The following AP3B1 variants were observed in gnomAD, a reference collection of about 807,000 sequenced individuals.
AP3B1 encodes adaptor related protein complex 3 subunit beta 1, also known as AP-3 complex subunit beta-1.
Under a neutral mutation model 132.5 loss-of-function variants are expected in AP3B1, and 61 were observed. The ratio of observed to expected loss-of-function variants is 0.46; its 90% CI spans 0.37 to 0.57. The LOEUF (loss-of-function observed/expected upper bound fraction) is 0.57, where lower values mean the gene tolerates loss of function less well. AP3B1 is among the 20% of genes least tolerant of loss of function. The pLI, the probability that AP3B1 is intolerant of heterozygous loss-of-function variation, is 0.00. For synonymous variants in AP3B1, 388 were observed against 438.3 expected (o/e 0.89, Z 1.43); for missense variants, 1,120 against 1,289.4 (o/e 0.87, Z 2.01).
intron 7 of AP3B1, among the ~76,000 whole-genome samples, chr5:78,202,484 T>C (rs1010448083): frequency 6.6e-6 from 1 of 151,654 alleles, no homozygotes; most frequent in South Asian, 2.1e-4. Context: ...AAAAGTCTCT[T>C]CTCTGATCCA....
intron 24 of AP3B1, among the ~76,000 whole-genome samples, chr5:78,024,238 T>C (rs1747232934): frequency 6.6e-6 from 1 of 152,138 alleles, no homozygotes; most frequent in Non-Finnish European, 1.5e-5. Flanking sequence ...GGAATACATA[T>C]ATATAAATTA....
chr5:78,218,258 G>A (rs1301563413), intron 6 of AP3B1, among the ~76,000 whole-genome samples: 3 of 151,944 alleles, frequency 2.0e-5, no homozygotes, highest in African/African-American at 7.2e-5. Context: ...AAAATTAAAT[G>A]ATCTACTCAG....
At position 78,011,248 on chromosome 5, in the gene AP3B1, G is replaced by A. The variant is rs986849956; in HGVS notation, c.3131+4162C>T. 1.1e-4 allele frequency among the ~76,000 whole-genome samples: 17 copies of A among 152,070 alleles called. 3 individuals are homozygous for A. In the South Asian group the frequency reaches 3.5e-3, roughly 32 times the overall value. ...TTTAGTAGAGACGGGGTTTCACCATGTTGGCCAGGCTGGTCTTGAACTCCT... is the reference window on the plus strand; with the variant it reads ...TTTAGTAGAGACGGGGTTTCACCATATTGGCCAGGCTGGTCTTGAACTCCT... On this transcript the variant is annotated intron_variant, in intron 26 of 26. Coordinates refer to ENST00000255194, the MANE Select transcript of AP3B1 (RefSeq NM_003664.5).
intron 15 of AP3B1, among the ~76,000 whole-genome samples, chr5:78,135,797 T>TTA (rs1263139444): frequency 5.9e-5 from 9 of 152,194 alleles, no homozygotes; most frequent in African/African-American, 2.2e-4. Flanking sequence ...ATTAATTTGT[T>TTA]TAATTAAATC....
rs66493022 is a variant in AP3B1 at position 78,223,027 on chromosome 5, C to CTCTTTTTT, written c.603+2514_603+2515insAAAAAAGA. 1.6e-4 allele frequency among the ~76,000 whole-genome samples: 21 copies of CTCTTTTTT among 127,818 alleles called. 2 individuals are homozygous for CTCTTTTTT. Among genetic ancestry groups the CTCTTTTTT allele is most frequent in the Non-Finnish European group, 2.5e-4 (15 of 60,388 alleles). The allele number at this position is 127,818 out of a possible 152,430, so 83.9% of individuals were successfully genotyped here. ...TGTTTTTTTGTTTGTTTGTTTGTTT[C>CTCTTTTTT]TTTTTTTTTTTTTGTAGAGACAAGG... On this transcript the variant is annotated intron_variant, in intron 6 of 26. Transcript: ENST00000255194.
chr5:78,290,860 G>GGAT (rs1749482760), intron 1 of AP3B1, among the ~76,000 whole-genome samples: 1 of 152,116 alleles, frequency 6.6e-6, no homozygotes. Context: ...GAGGTGGGAA[G>GGAT]GATCACTTGA....
At chr5:78,264,832 T>C (rs1027934127) in intron 2 of AP3B1, among the ~76,000 whole-genome samples, 1 of 152,246 alleles carries the variant, frequency 6.6e-6, no homozygotes, top group Non-Finnish European at 1.5e-5. Context: ...ACAAAAATTT[T>C]AAGCATCATA....
At chr5:78,186,517 T>C (rs1744613151) in intron 7 of AP3B1, among the ~76,000 whole-genome samples, 1 of 152,204 alleles carries the variant, frequency 6.6e-6, no homozygotes, top group African/African-American at 2.4e-5. Flanking sequence ...TTCTCAGTTT[T>C]GACTGTATCA....
chr5:78,281,060 A>T (rs1749028349), intron 1 of AP3B1, among the ~76,000 whole-genome samples: 1 of 152,214 alleles, frequency 6.6e-6, no homozygotes, highest in Non-Finnish European at 1.5e-5. Context: ...AGTCCTACAA[A>T]TTTGTACTTG....
intron 26 of AP3B1, 84 bp downstream of exon 26, chr5:78,015,325 TC>T: frequency 7.1e-7 from 1 of 1,408,248 alleles, no homozygotes; most frequent in Non-Finnish European, 9.9e-7. Context: ...GGTTATTATT[TC>T]CAAAGAAAAC....
At chr5:78,039,650 C>T (rs1172215842) in intron 22 of AP3B1, among the ~76,000 whole-genome samples, 1 of 151,832 alleles carries the variant, frequency 6.6e-6, no homozygotes, top group African/African-American at 2.4e-5. Flanking sequence ...TGGTGGCGGG[C>T]GCCTGTAGTC....
chr5:78,104,597 A>G (rs1751258989), intron 20 of AP3B1, among the ~76,000 whole-genome samples: 1 of 152,226 alleles, frequency 6.6e-6, no homozygotes, highest in South Asian at 2.1e-4. Context: ...AACATAACTA[A>G]AACTTGCTTA....
chr5:78,239,073 T>A (rs909967376), intron 3 of AP3B1, among the ~76,000 whole-genome samples: 6 of 152,186 alleles, frequency 3.9e-5, no homozygotes, highest in South Asian at 2.1e-4. Flanking sequence ...AGGATTTTTT[T>A]ATAATAAAAA....
chr5:78,181,722 A>G lies in AP3B1; in HGVS notation c.787-60T>C, dbSNP rs1744380299. ...AGACCTTGAGCAATCTGCATATTAT[A>G]TAGTCAAAGAAAACTTTCCTTTAAA... On this transcript the variant is annotated intron_variant, in intron 7 of 26. Coordinates refer to ENST00000255194, the MANE Select transcript of AP3B1 (RefSeq NM_003664.5). The G allele has an allele frequency of 3.4e-6, 5 of 1,483,524 alleles. No homozygotes were observed. In the African/African-American group the frequency reaches 7.0e-5, roughly 21 times the overall value. 91.9% of individuals were successfully genotyped at this position (1,483,524 alleles called of 1,614,324 possible).
intron 19 of AP3B1, among the ~76,000 whole-genome samples, chr5:78,110,684 C>CTGTGTGTGTGTGTG (rs144921350): frequency 8.6e-4 from 123 of 143,560 alleles, no homozygotes; most frequent in African/African-American, 3.0e-3. Context: ...AATACTGTGC[C>CTGTGTGTGTGTGTG]TGTGTGTGTG....
rs148708800 is a variant in AP3B1, at chr5:78,125,815, C to T, written c.1968+2215G>A. Among the ~76,000 whole-genome samples, 8 of 151,990 alleles carry T rather than the reference C, an allele frequency of 5.3e-5. No homozygotes were observed. The East Asian group carries it at 1.4e-3, about 26-fold the overall frequency. ...TCTCTGTTGAATTGGACAGGTGAAA[C>T]GAACATAATATGTTATATTTAAGTA... On this transcript the variant is annotated intron_variant, in intron 17 of 26. Coordinates refer to ENST00000255194, the MANE Select transcript of AP3B1 (RefSeq NM_003664.5).
chr5:78,233,641 A>ACCTC (rs1746752567), intron 3 of AP3B1, among the ~76,000 whole-genome samples: 1 of 152,202 alleles, frequency 6.6e-6, no homozygotes, highest in Middle Eastern at 3.2e-3. Context: ...TTTGTTCTTC[A>ACCTC]CCTCAATCTG....
chr5:78,084,820 G>A (rs1750170121), intron 22 of AP3B1, among the ~76,000 whole-genome samples: 3 of 151,962 alleles, frequency 2.0e-5, no homozygotes, highest in East Asian at 1.9e-4. Context: ...CAATTTCCTT[G>A]TATTTGAAAA....
intron 15 of AP3B1, among the ~76,000 whole-genome samples, chr5:78,133,309 T>C (rs542268877): frequency 6.6e-6 from 1 of 152,188 alleles, no homozygotes; most frequent in Non-Finnish European, 1.5e-5. Context: ...TTATGTTACA[T>C]CTAGAAAGGG....
Sources: allele counts gnomAD v4.1 joint callset (sites outside exome capture counted in the v4.1 genomes callset), GRCh38; gene constraint gnomAD v4.1.1; transcripts MANE v1.5; gene names NCBI Gene and HGNC (gene_info 2026-07-23, HGNC 2026-07-21).